Variants in ZNF536 observed in about 807,000 individuals in gnomAD.
ZNF536 encodes zinc finger protein 536.
Under a neutral mutation model 84.5 loss-of-function variants are expected in ZNF536, and 13 were observed. The ratio of observed to expected loss-of-function variants is 0.15; its 90% confidence interval spans 0.10 to 0.24. The LOEUF (loss-of-function observed/expected upper bound fraction) is 0.24. ZNF536 is among the 10% of genes least tolerant of loss of function. ZNF536 has a pLI of 1.00. For synonymous variants in ZNF536, 811 were observed against 742.5 expected, an observed-to-expected ratio of 1.09 and a Z score of -1.50; for missense variants, 1,536 against 1,747.5, an observed-to-expected ratio of 0.88 and a Z score of 2.16.
chr19:30,641,164 G>A (rs1040512599), intron 1 of ZNF536, among the ~76,000 whole-genome samples: 13 of 152,328 alleles, frequency 8.5e-5, no homozygotes, highest in Admixed American at 2.6e-4. Context: ...AAAAATGGAA[G>A]TTAACTGAAG....
chr19:30,368,709 G>A (rs1039882151), upstream of ZNF536, among the ~76,000 whole-genome samples: 2 of 152,250 alleles, frequency 1.3e-5, no homozygotes, highest in Non-Finnish European at 2.9e-5. Flanking sequence ...AATTCAGCGA[G>A]CAGACCTCAA....
At chr19:30,266,847 C>G (rs2025539052) in intron 1 of ZNF536, among the ~76,000 whole-genome samples, 1 of 152,002 alleles carries the variant, frequency 6.6e-6, no homozygotes, top group Non-Finnish European at 1.5e-5. Flanking sequence ...TATTTTAACA[C>G]ACACACACGC....
At chr19:30,396,455 C>A (rs961821048) in intron 1 of ZNF536, among the ~76,000 whole-genome samples, 2 of 152,200 alleles carry the variant, frequency 1.3e-5, no homozygotes, top group Non-Finnish European at 2.9e-5. Flanking sequence ...ATCCATCTTT[C>A]TTTGAGAAGC....
chr19:30,420,008 G>T (rs2147831951), intron 1 of ZNF536, among the ~76,000 whole-genome samples: 1 of 152,322 alleles, frequency 6.6e-6, no homozygotes, highest in South Asian at 2.1e-4. Context: ...TCATGACCCA[G>T]TGCTTGCAGG....
chr19:30,412,607 A>AT (rs2050541223), intron 1 of ZNF536, among the ~76,000 whole-genome samples: 2 of 151,994 alleles, frequency 1.3e-5, no homozygotes, highest in Non-Finnish European at 2.9e-5. Context: ...AGATTGCCTT[A>AT]TAGCTTCTAA....
At chr19:30,322,125 G>A (rs2046878036) in intron 2 of ZNF536, among the ~76,000 whole-genome samples, 1 of 152,090 alleles carries the variant, frequency 6.6e-6, no homozygotes, top group Non-Finnish European at 1.5e-5. Context: ...CAGAAAAATT[G>A]TACCACTAGC....
intron 1 of ZNF536, among the ~76,000 whole-genome samples, chr19:30,615,406 A>G (rs958195120): frequency 1.3e-5 from 2 of 152,168 alleles, no homozygotes; most frequent in Non-Finnish European, 2.9e-5. Context: ...CCACTCATTT[A>G]AAAGCCACCT....
chr19:30,364,795 C>A (rs1014654786), intron 3 of ZNF536, among the ~76,000 whole-genome samples: 1 of 152,172 alleles, frequency 6.6e-6, no homozygotes, highest in Non-Finnish European at 1.5e-5. Context: ...CCTTTATATT[C>A]ATCAGGGTCA....
chr19:30,274,708 C>G (rs182225396), intron 1 of ZNF536, among the ~76,000 whole-genome samples: 2 of 152,122 alleles, frequency 1.3e-5, no homozygotes, highest in Non-Finnish European at 2.9e-5. Flanking sequence ...TTTCGTCACC[C>G]AGGTAATCAG....
In ZNF536 at chr19:30,535,725, A is replaced by T. The variant is rs116452487; in HGVS notation, c.2323+726A>T. Among the ~76,000 whole-genome samples, 236 of 147,380 alleles carry T rather than the reference A, an allele frequency of 1.6e-3. 1 individual carries two copies. The highest frequency in any genetic ancestry group is 5.5e-3 in the African/African-American group (223 of 40,552). On this transcript the variant is annotated intron_variant, in intron 3 of 4. Coordinates refer to ENST00000355537, the MANE Select transcript of ZNF536 (RefSeq NM_014717.3). ...TTGTTGCTTGCACATTGCCAATATA[A>T]AAAAAAAAATCTATCGGAGATATGG...
chr19:30,518,138 C>T (rs927615580), intron 2 of ZNF536, among the ~76,000 whole-genome samples: 6 of 152,150 alleles, frequency 3.9e-5, no homozygotes, highest in African/African-American at 1.4e-4. Flanking sequence ...GAAGCCTGAT[C>T]CAGTCAATGC....
intron 1 of ZNF536, among the ~76,000 whole-genome samples, chr19:30,635,525 C>T (rs527984061): frequency 4.6e-5 from 7 of 152,146 alleles, no homozygotes; most frequent in Non-Finnish European, 1.0e-4. Context: ...TGCGGATCCT[C>T]GGCTCCCAGG....
rs553995265 is a variant in ZNF536, at chr19:30,564,279, G to A, written c.169+14765G>A. ...GAGCCCAGGAGGTGGAGGCCAGACT[G>A]GGCAACAGAGCAAGATCTAAAAAAA... On this transcript the variant is annotated intron_variant, in intron 1 of 1. Coordinates refer to the ZNF536 transcript ENST00000592773. 5.3e-5 allele frequency among the ~76,000 whole-genome samples: 8 copies of A among 152,010 alleles called. No individual in the cohort carries two copies. In the South Asian group the frequency reaches 1.5e-3, roughly 28 times the overall value.
At chr19:30,450,401 C>A (rs1600786461) in intron 2 of ZNF536, among the ~76,000 whole-genome samples, 1 of 152,190 alleles carries the variant, frequency 6.6e-6, no homozygotes, top group South Asian at 2.1e-4. Flanking sequence ...AGTTTCCAGG[C>A]AATTCCAGGA....
chr19:30,507,646 G>A (rs1241335671), intron 2 of ZNF536, among the ~76,000 whole-genome samples: 1 of 152,050 alleles, frequency 6.6e-6, no homozygotes, highest in Non-Finnish European at 1.5e-5. Context: ...TATTTAAAAA[G>A]GGAAATGAAA....
intron 1 of ZNF536, among the ~76,000 whole-genome samples, chr19:30,585,379 G>T (rs1022326383): frequency 6.6e-6 from 1 of 152,198 alleles, no homozygotes; most frequent in Non-Finnish European, 1.5e-5. Context: ...ATGAAGGGAT[G>T]AATAGTAGAT....
intron 2 of ZNF536, chr19:30,300,333 T>G (rs1222887005): frequency 6.6e-6 from 1 of 152,156 alleles, no homozygotes; most frequent in Non-Finnish European, 1.5e-5. Context: ...TCCCCTACAT[T>G]TATTTCCTGG....
chr19:30,576,181 C>T (rs539153108), intron 1 of ZNF536, among the ~76,000 whole-genome samples: 8 of 152,122 alleles, frequency 5.3e-5, no homozygotes, highest in Admixed American at 1.3e-4. Flanking sequence ...GAGCATGAGA[C>T]GATTTGGAGA....
rs1383147513 is a variant in ZNF536, at chr19:30,258,620, C to T, written c.-189-25452C>T. 2.0e-5 allele frequency among the ~76,000 whole-genome samples: 3 copies of T among 152,218 alleles called. 1 individual carries two copies. In the South Asian group the frequency reaches 6.2e-4, roughly 32 times the overall value. Reference sequence around the variant, plus strand: ...TACCATTTGATAGATGAATGCTTTACAAATGTGTATGTTTGTGTGATTAGT... The same window carrying T: ...TACCATTTGATAGATGAATGCTTTATAAATGTGTATGTTTGTGTGATTAGT... On this transcript the variant is annotated intron_variant, in intron 1 of 5. Coordinates refer to the ZNF536 transcript ENST00000585628.
Sources: gnomAD v4.1 joint callset for allele counts (sites outside exome capture counted in the v4.1 genomes callset) on GRCh38, gnomAD v4.1.1 for gene constraint, MANE v1.5 for transcripts, NCBI Gene and HGNC (gene_info 2026-07-23, HGNC 2026-07-21) for gene names.